The following PTPN2 variants were observed in gnomAD, a reference collection of about 807,000 sequenced individuals.
PTPN2 encodes protein tyrosine phosphatase non-receptor type 2, also known as tyrosine-protein phosphatase non-receptor type 2.
PTPN2 carries 19 observed loss-of-function variants against 57.3 expected under a neutral mutation model. The observed-to-expected ratio is 0.33, with a 90% confidence interval of 0.23 to 0.49. PTPN2 has a LOEUF of 0.49. Among genes scored for constraint, PTPN2 ranks in the 20% least tolerant of loss-of-function variants. The pLI is 0.99. For synonymous variants in PTPN2, 153 were observed against 164.9 expected (o/e 0.93, Z 0.55); for missense variants, 358 against 501.1 (o/e 0.71, Z 2.73).
At chr18:12,857,147 G>C (rs1387263105) in intron 2 of PTPN2, among the ~76,000 whole-genome samples, 1 of 151,090 alleles carries the variant, frequency 6.6e-6, no homozygotes. Flanking sequence ...TCCAATAATT[G>C]CAATTACAAC....
intron 6 of PTPN2, among the ~76,000 whole-genome samples, chr18:12,815,586 T>C (rs1308041123): frequency 6.6e-6 from 1 of 151,912 alleles, no homozygotes; most frequent in Non-Finnish European, 1.5e-5. Flanking sequence ...AGAAAAAAAA[T>C]TGTTGAAGTT....
intron 1 of PTPN2, among the ~76,000 whole-genome samples, chr18:12,865,554 T>G (rs1365751743): frequency 1.3e-5 from 2 of 150,664 alleles, no homozygotes; most frequent in South Asian, 4.2e-4. Flanking sequence ...ACCAGCCTGG[T>G]CAACACGGTG....
intron 1 of PTPN2, among the ~76,000 whole-genome samples, chr18:12,865,609 G>C (rs898944517): frequency 9.2e-5 from 14 of 151,952 alleles, no homozygotes; most frequent in Admixed American, 6.5e-4. Flanking sequence ...AGGAGTTTGA[G>C]ACCAGCCTGG....
At chr18:12,811,517 T>TA (rs1220111263) in intron 7 of PTPN2, among the ~76,000 whole-genome samples, 5 of 152,184 alleles carry the variant, frequency 3.3e-5, no homozygotes, top group South Asian at 2.1e-4. Context: ...GCTAGTGAAT[T>TA]AAAAAAACCC....
chr18:12,787,349 C>G (rs774672007), downstream of PTPN2: 1 of 152,204 alleles, frequency 6.6e-6, no homozygotes, highest in Non-Finnish European at 1.5e-5. Context: ...CTGTCATGTA[C>G]TAGCTGTGCA....
chr18:12,867,494 T>C (rs1217862698), intron 1 of PTPN2, among the ~76,000 whole-genome samples: 1 of 152,192 alleles, frequency 6.6e-6, no homozygotes, highest in Non-Finnish European at 1.5e-5. Flanking sequence ...TATTGCTTAC[T>C]CTTTCAGATG....
At chr18:12,880,189 T>C (rs998422673) in intron 1 of PTPN2, among the ~76,000 whole-genome samples, 9 of 152,116 alleles carry the variant, frequency 5.9e-5, no homozygotes, top group Non-Finnish European at 1.5e-5. Flanking sequence ...GGGAAAGTTG[T>C]GCCAAGGCAA....
intron 3 of PTPN2, among the ~76,000 whole-genome samples, chr18:12,834,064 C>T (rs573932964): frequency 6.6e-6 from 1 of 152,228 alleles, no homozygotes; most frequent in African/African-American, 2.4e-5. Flanking sequence ...CGGTGGCTCA[C>T]CCCTGTAATC....
intron 6 of PTPN2, among the ~76,000 whole-genome samples, chr18:12,816,021 G>C (rs1029936517): frequency 1.3e-5 from 2 of 152,154 alleles, no homozygotes; most frequent in African/African-American, 4.8e-5. Context: ...CACCAGTCTT[G>C]TGTCAAGCGT....
intron 2 of PTPN2, among the ~76,000 whole-genome samples, chr18:12,847,409 C>CT (rs2043247066): frequency 6.6e-6 from 1 of 152,102 alleles, no homozygotes; most frequent in Non-Finnish European, 1.5e-5. Flanking sequence ...ATAAAGAACT[C>CT]TTTTTTCCAT....
At chr18:12,856,760 A>G (rs1469086080) in intron 2 of PTPN2, among the ~76,000 whole-genome samples, 1 of 152,186 alleles carries the variant, frequency 6.6e-6, no homozygotes, top group Non-Finnish European at 1.5e-5. Flanking sequence ...TCTCAATTCC[A>G]GTTAAAATAA....
intron 1 of PTPN2, among the ~76,000 whole-genome samples, chr18:12,883,393 G>C (rs989659980): frequency 6.6e-6 from 1 of 152,228 alleles, no homozygotes; most frequent in Non-Finnish European, 1.5e-5. Flanking sequence ...AATGAAGACG[G>C]AGGGTCCCGA....
intron 7 of PTPN2, among the ~76,000 whole-genome samples, chr18:12,808,499 C>T (rs752529649): frequency 3.1e-4 from 47 of 152,072 alleles, no homozygotes; most frequent in Non-Finnish European, 6.3e-4. Flanking sequence ...AAACAAAGGC[C>T]GGGGCATGCG....
chr18:12,785,911 G>A (rs2040833755), intron 9 of PTPN2: 1 of 1,332,898 alleles, frequency 7.5e-7, no homozygotes. Flanking sequence ...GAACATAGAT[G>A]CACACAAACA....
At chr18:12,812,972 G>C (rs1425075982) in intron 7 of PTPN2, among the ~76,000 whole-genome samples, 1 of 150,898 alleles carries the variant, frequency 6.6e-6, no homozygotes, top group Non-Finnish European at 1.5e-5. Flanking sequence ...GATAAAAAAA[G>C]ATCCACCCTC....
At chr18:12,867,109 A>G (rs144871029) in intron 1 of PTPN2, among the ~76,000 whole-genome samples, 63 of 152,192 alleles carry the variant, frequency 4.1e-4, no homozygotes, top group African/African-American at 1.4e-3. Flanking sequence ...CCTGGGCAAC[A>G]TGGTGAAACC....
intron 1 of PTPN2, among the ~76,000 whole-genome samples, chr18:12,862,994 CAAAAAT>C (rs2043867055): frequency 6.6e-6 from 1 of 151,690 alleles, no homozygotes; most frequent in Non-Finnish European, 1.5e-5. Context: ...ACCCAAGACA[CAAAAAT>C]AAACAATTTT....
At chr18:12,826,047 T>C (rs1349767566) in intron 4 of PTPN2, 103 bp from the exon 5 acceptor site, 2 of 920,748 alleles carry the variant, frequency 2.2e-6, no homozygotes, top group African/African-American at 3.4e-5. Context: ...TGCTATATTT[T>C]TTCAAGTACC....
chr18:12,814,726 C>G (rs536178044), intron 6 of PTPN2, among the ~76,000 whole-genome samples: 3 of 152,062 alleles, frequency 2.0e-5, no homozygotes, highest in Admixed American at 2.0e-4. Flanking sequence ...AACCTTTCTG[C>G]TCATTCCCCT....
Sources: gnomAD v4.1 joint callset for allele counts (sites outside exome capture counted in the v4.1 genomes callset) on GRCh38, gnomAD v4.1.1 for gene constraint, MANE v1.5 for transcripts, NCBI Gene and HGNC (gene_info 2026-07-23, HGNC 2026-07-21) for gene names.